The following ZRANB3 variants were observed in gnomAD, a reference collection of about 807,000 sequenced individuals.
ZRANB3 encodes zinc finger RANBP2-type containing 3.
In ZRANB3, 125 loss-of-function variants were observed where a neutral mutation model predicts 133.8. The observed-to-expected ratio is 0.93, with a 90% confidence interval of 0.81 to 1.08. The LOEUF (loss-of-function observed/expected upper bound fraction) is 1.08, where lower values mean the gene tolerates loss of function less well. Among genes scored for constraint, ZRANB3 ranks in the 50% least tolerant of loss-of-function variants. The pLI is 0.00. For missense variants in ZRANB3, 1,229 were observed against 1,275.5 expected (o/e 0.96, Z 0.56); for synonymous variants, 387 against 432.7 (o/e 0.89, Z 1.31).
intron 2 of ZRANB3, among the ~76,000 whole-genome samples, chr2:135,465,769 T>C (rs967746535): frequency 6.6e-6 from 1 of 151,984 alleles, no homozygotes; most frequent in Non-Finnish European, 1.5e-5. Flanking sequence ...AATCTATCCA[T>C]CTAACAAAGG....
At chr2:135,299,184 A>ATT (rs1406046381) in intron 8 of ZRANB3, among the ~76,000 whole-genome samples, 1 of 152,062 alleles carries the variant, frequency 6.6e-6, no homozygotes, top group South Asian at 2.1e-4. Flanking sequence ...TGCTGCATCC[A>ATT]CTGTGGGGGC....
chr2:135,350,269 G>A (rs10496734), intron 4 of ZRANB3, 54 bp from the exon 5 acceptor site: 161,345 of 1,330,092 alleles, frequency 0.12, 15,141 homozygotes, highest in African/African-American at 0.34. Context: ...ACGTTATCAT[G>A]AACAATACAA....
rs1685202951 is a variant in ZRANB3, at chr2:135,351,428, T to C, written c.360-1213A>G. Reference sequence around the variant, plus strand: ...GACTACAGGTGCCCATCACCACACCTGGCTAATTATTTGTATTTTAGCCAG... The same window carrying C: ...GACTACAGGTGCCCATCACCACACCCGGCTAATTATTTGTATTTTAGCCAG... On this transcript the variant is annotated intron_variant, in intron 4 of 20. Transcript: ENST00000264159. Among the ~76,000 whole-genome samples the C allele has an allele frequency of 2.6e-5, 4 of 152,092 alleles. No individual in the cohort carries two copies. In the South Asian group the frequency reaches 8.3e-4, roughly 32 times the overall value.
At chr2:135,446,748 A>C (rs1158334987) in intron 2 of ZRANB3, among the ~76,000 whole-genome samples, 1 of 152,162 alleles carries the variant, frequency 6.6e-6, no homozygotes, top group East Asian at 1.9e-4. Flanking sequence ...GGAGAGTGAG[A>C]GACTGTGCAA....
intron 8 of ZRANB3, among the ~76,000 whole-genome samples, chr2:135,289,664 A>G (rs915509544): frequency 1.3e-5 from 2 of 152,142 alleles, no homozygotes; most frequent in Non-Finnish European, 2.9e-5. Context: ...GCATTTCGGG[A>G]GGCAAAGTCA....
intron 3 of ZRANB3, among the ~76,000 whole-genome samples, chr2:135,372,258 T>C (rs1473556086): frequency 6.6e-6 from 1 of 152,026 alleles, no homozygotes; most frequent in Non-Finnish European, 1.5e-5. Flanking sequence ...AAGATGGATG[T>C]CTATAAACCA....
intron 2 of ZRANB3, among the ~76,000 whole-genome samples, chr2:135,482,333 T>C (rs1208090473): frequency 7.3e-6 from 1 of 137,770 alleles, no homozygotes; most frequent in Non-Finnish European, 1.5e-5. Flanking sequence ...GTCCTTCACA[T>C]CCCTTGTAAG....
intron 2 of ZRANB3, among the ~76,000 whole-genome samples, chr2:135,407,146 G>A (rs1297439066): frequency 6.6e-6 from 1 of 152,046 alleles, no homozygotes; most frequent in Non-Finnish European, 1.5e-5. Flanking sequence ...AAATCAATGT[G>A]CAAAAATCAC....
At chr2:135,339,724 G>C (rs1460906563) in intron 6 of ZRANB3, among the ~76,000 whole-genome samples, 1 of 152,182 alleles carries the variant, frequency 6.6e-6, no homozygotes, top group Non-Finnish European at 1.5e-5. Flanking sequence ...TTGTCTTACT[G>C]TAGTTTCAAT....
intron 2 of ZRANB3, among the ~76,000 whole-genome samples, chr2:135,465,075 G>T (rs757800148): frequency 6.6e-6 from 1 of 152,182 alleles, no homozygotes; most frequent in Non-Finnish European, 1.5e-5. Context: ...GTTGAGAAAT[G>T]AAATGGTATA....
chr2:135,432,090 A>C (rs983495782), intron 2 of ZRANB3, among the ~76,000 whole-genome samples: 2 of 152,016 alleles, frequency 1.3e-5, no homozygotes, highest in South Asian at 4.1e-4. Context: ...GTCTCTGCTA[A>C]AAATACAAAA....
chr2:135,500,824 G>C (rs973592995), intron 2 of ZRANB3, among the ~76,000 whole-genome samples: 2 of 149,120 alleles, frequency 1.3e-5, no homozygotes, highest in Non-Finnish European at 3.0e-5. Flanking sequence ...GATTAGACCA[G>C]CCGGTTGTGA....
chr2:135,200,328 T>C lies in ZRANB3; in HGVS notation c.*14A>G. On this transcript the variant is annotated 3_prime_UTR_variant, in exon 21 of 21. Transcript: ENST00000264159. Reference sequence around the variant, plus strand: ...ATGTAAACCATTTGTCATTCATTCATATATTTTTCTACTTTACTTCTTTAC... The same window carrying C: ...ATGTAAACCATTTGTCATTCATTCACATATTTTTCTACTTTACTTCTTTAC... The C allele has an allele frequency of 6.4e-7, 1 of 1,563,412 alleles. No individual in the cohort carries two copies. The highest frequency in any genetic ancestry group is 8.7e-7 in the Non-Finnish European group (1 of 1,148,654).
Position 135,484,423 on chromosome 2 carries a change from A to G in ZRANB3, c.161+19906T>C, listed in dbSNP as rs1404304113. 2.6e-5 allele frequency among the ~76,000 whole-genome samples: 4 copies of G among 152,308 alleles called. No homozygotes were observed. In the East Asian group the frequency reaches 7.7e-4, roughly 29 times the overall value. Reference sequence around the variant, plus strand: ...ATGTTCTTGTTCAACTGTATACTATAAATTTCATGTATTATTACATTGTCA... The same window carrying G: ...ATGTTCTTGTTCAACTGTATACTATGAATTTCATGTATTATTACATTGTCA... On this transcript the variant is annotated intron_variant, in intron 2 of 20. Coordinates refer to ENST00000264159, the MANE Select transcript of ZRANB3 (RefSeq NM_032143.4).
chr2:135,530,428 C>G (rs957334395), intron 1 of ZRANB3: 17 of 152,218 alleles, frequency 1.1e-4, no homozygotes, highest in African/African-American at 3.4e-4. Flanking sequence ...CCATGTCACC[C>G]ACTCTTTCTT....
chr2:135,343,746 G>C (rs1684801239), intron 6 of ZRANB3, among the ~76,000 whole-genome samples: 1 of 149,922 alleles, frequency 6.7e-6, no homozygotes, highest in Non-Finnish European at 1.5e-5. Context: ...ACAACTGACA[G>C]AAAAAAAGTA....
At chr2:135,290,772 T>C (rs1396625616) in intron 8 of ZRANB3, among the ~76,000 whole-genome samples, 1 of 151,730 alleles carries the variant, frequency 6.6e-6, no homozygotes, top group Non-Finnish European at 1.5e-5. Flanking sequence ...TTTCAAGATC[T>C]AGTTTCATGA....
chr2:135,398,884 T>G (rs1687617097), intron 2 of ZRANB3, among the ~76,000 whole-genome samples: 1 of 152,200 alleles, frequency 6.6e-6, no homozygotes, highest in Non-Finnish European at 1.5e-5. Flanking sequence ...GGTTTTCATA[T>G]ACCTATCCAA....
At chr2:135,326,562 C>G (rs949043104) in intron 6 of ZRANB3, among the ~76,000 whole-genome samples, 8 of 151,998 alleles carry the variant, frequency 5.3e-5, no homozygotes, top group African/African-American at 1.9e-4. Context: ...GTTTGCTGCA[C>G]CTATTAACCC....
Sources: allele counts gnomAD v4.1 joint callset (sites outside exome capture counted in the v4.1 genomes callset), GRCh38; gene constraint gnomAD v4.1.1; transcripts MANE v1.5; gene names NCBI Gene and HGNC (gene_info 2026-07-23, HGNC 2026-07-21).